PSD2: variants seen among roughly 807,000 people sequenced by gnomAD.
PSD2 encodes pleckstrin and Sec7 domain containing 2.
In PSD2, 38 loss-of-function variants were observed where a neutral mutation model predicts 69.8. The observed-to-expected ratio is 0.54, with a 90% confidence interval of 0.42 to 0.71. The LOEUF (loss-of-function observed/expected upper bound fraction) is 0.71. PSD2 is among the 30% of genes least tolerant of loss of function. The probability of loss-of-function intolerance (pLI) is 0.00; values close to 1 mark genes in which losing one functional copy is unlikely to be tolerated. For synonymous variants in PSD2, 412 were observed against 423.0 expected, an observed-to-expected ratio of 0.97 and a Z score of 0.32; for missense variants, 943 against 1,014.5, an observed-to-expected ratio of 0.93 and a Z score of 0.96.
Position 139,814,215 on chromosome 5 carries a change from C to T in PSD2, c.867C>T (p.Leu289=). 3 of 1,613,844 alleles carry T rather than the reference C, an allele frequency of 1.9e-6. No individual in the cohort carries two copies. The highest frequency in any genetic ancestry group is 2.5e-6 in the Non-Finnish European group (3 of 1,179,866). Reference sequence around the variant, plus strand: ...GCCTGTCAGACTCAGACTCTGAGCTCAGCAGCTCGGAGGGGTTGGAGCCTG... The same window carrying T: ...GCCTGTCAGACTCAGACTCTGAGCTTAGCAGCTCGGAGGGGTTGGAGCCTG... ...KDGLSDSDSE[L]SSSEGLEPGS... is the part of the protein sequence containing the mutation. The change falls in exon 4 of 15, where the codon CTC becomes CTT. Residue 289 remains leucine, a synonymous_variant. Transcript: ENST00000274710. This position sits in a 1 kb window ranked among gnomAD's most constrained non-coding sequence, Gnocchi z 4.4.
At chr5:139,793,947 G>A (rs780679447), upstream of PSD2, among the ~76,000 whole-genome samples, 2 of 152,186 alleles carry the variant, frequency 1.3e-5, no homozygotes, top group Non-Finnish European at 2.9e-5. Context: ...CCAAGGGTGG[G>A]GAATGTGGTA....
chr5:139,804,049 T>C (rs566062216), intron 1 of PSD2, among the ~76,000 whole-genome samples: 53 of 152,310 alleles, frequency 3.5e-4, no homozygotes, highest in African/African-American at 1.2e-3. Context: ...CCCATTGCGG[T>C]GTGGGCATCG....
intron 7 of PSD2, among the ~76,000 whole-genome samples, chr5:139,830,280 T>C (rs1424659126): frequency 1.3e-5 from 2 of 151,924 alleles, no homozygotes; most frequent in Admixed American, 1.3e-4. Flanking sequence ...AGACCCTTAG[T>C]AGATACTTGA....
intron 5 of PSD2, among the ~76,000 whole-genome samples, chr5:139,820,651 A>C (rs1380364832): frequency 6.6e-6 from 1 of 152,200 alleles, no homozygotes. Context: ...TCTGAACTCA[A>C]GACTGATGGA....
intron 7 of PSD2, among the ~76,000 whole-genome samples, chr5:139,826,887 A>G (rs1760434954): frequency 6.6e-6 from 1 of 152,134 alleles, no homozygotes; most frequent in South Asian, 2.1e-4. Flanking sequence ...GCCACACTTC[A>G]CTGCTTGCTG....
chr5:139,766,918 T>C, the PSD2 span, among the ~76,000 whole-genome samples: 4,482 of 42,870 alleles, frequency 0.1, 637 homozygotes, highest in Admixed American at 0.13. Flanking sequence ...CCTTCCTTCC[T>C]TCCTTCCTTC....
At position 139,809,826 on chromosome 5, in the gene PSD2, T is replaced by C. The variant is rs1759914107; in HGVS notation, c.371+15T>C. 1 of 1,612,966 alleles carries C rather than the reference T, an allele frequency of 6.2e-7. No individual in the cohort carries two copies. The highest frequency in any genetic ancestry group is 1.3e-5 in the African/African-American group (1 of 74,852). ...CCTCAGCTGGGGTGAGTGGATGTCT[T>C]GGGATGGGAGCTCACCACATTTGGC... is the stretch of plus-strand genomic sequence containing the variant. On this transcript the variant is annotated intron_variant, in intron 2 of 14. Transcript: ENST00000274710.
At chr5:139,800,680 C>T (rs546967044) in intron 1 of PSD2, among the ~76,000 whole-genome samples, 6 of 152,286 alleles carry the variant, frequency 3.9e-5, no homozygotes, top group Non-Finnish European at 7.4e-5. Flanking sequence ...GCTCCCAGTG[C>T]CACACTCACT....
At chr5:139,833,661 C>A in intron 7 of PSD2, 41 bp from the exon 8 acceptor site, 1 of 1,469,766 alleles carries the variant, frequency 6.8e-7, no homozygotes, top group Non-Finnish European at 9.5e-7. Context: ...ACACACCAGC[C>A]TCCTTCCCTA....
Position 139,836,911 on chromosome 5 carries a change from T to C in PSD2, c.1504T>C (p.Phe502Leu). 2 of 1,614,144 alleles carry C rather than the reference T, an allele frequency of 1.2e-6. No individual in the cohort carries two copies. Among genetic ancestry groups the C allele is most frequent in the Non-Finnish European group, 1.7e-6 (2 of 1,180,012 alleles). ...GCGAATCCTGGATGGTGGCAACCCC[T>C]TCCTGGATGTCCCACAGGCGCTCAG... ...VTRILDGGNP[F>L]LDVPQALSAT... Residue 502 changes from phenylalanine (F) to leucine (L), a missense_variant, in exon 10 of 15, where the codon TTC becomes CTC. Transcript: ENST00000274710.
the PSD2 span, among the ~76,000 whole-genome samples, chr5:139,751,993 A>C: frequency 6.6e-6 from 1 of 151,728 alleles, no homozygotes; most frequent in African/African-American, 2.4e-5. Context: ...GGGTCTTCCT[A>C]TGTTGTCCAG....
intron 2 of PSD2, among the ~76,000 whole-genome samples, chr5:139,811,529 C>T (rs1382352205): frequency 2.0e-5 from 3 of 152,160 alleles, no homozygotes; most frequent in African/African-American, 4.8e-5. Context: ...GCTCAGCCTG[C>T]TGTGTTCTTT....
intron 12 of PSD2, among the ~76,000 whole-genome samples, chr5:139,838,179 T>C (rs1037749208): frequency 2.6e-5 from 4 of 152,194 alleles, no homozygotes; most frequent in African/African-American, 9.6e-5. Flanking sequence ...CGTCCTCCTG[T>C]GACTTGAGAT....
intron 7 of PSD2, 57 bp downstream of exon 7, chr5:139,822,841 T>C: frequency 6.8e-7 from 1 of 1,474,876 alleles, no homozygotes; most frequent in East Asian, 2.4e-5. Flanking sequence ...CCACCTTGTG[T>C]TGATCCCGGC....
rs941350122 is a variant in PSD2, at chr5:139,813,777, T to G, written c.821+19T>G. ...CAGCCAGGTGAGGCAGGGCCCAGGC[T>G]GGGAGAACCACCGAGCAGATGGGGA... On this transcript the variant is annotated intron_variant, in intron 3 of 14. Transcript: ENST00000274710. The G allele has an allele frequency of 6.3e-7, 1 of 1,580,028 alleles. No homozygotes were observed. Among genetic ancestry groups the G allele is most frequent in the East Asian group, 2.3e-5 (1 of 44,302 alleles).
the PSD2 span, among the ~76,000 whole-genome samples, chr5:139,744,467 T>A: frequency 1.3e-5 from 2 of 151,888 alleles, no homozygotes; most frequent in East Asian, 1.9e-4. Context: ...GTTGGCTAGC[T>A]CCCCCCATGC....
In PSD2 at chr5:139,842,887, T is replaced by C; in HGVS notation, c.*413T>C. The C allele has an allele frequency of 6.1e-6, 1 of 164,002 alleles. No homozygotes were observed. 10.2% of individuals were successfully genotyped at this position (164,002 alleles called of 1,614,324 possible). A position where few individuals can be genotyped will look rare whatever the true frequency, so the allele number is the denominator to read the frequency against. The stretch of plus-strand genomic sequence containing the variant: ...GTCTCAGCTGGAACCCCACCCTTTC[T>C]CCTCCTCCTTCCTCTGAGTTGACCA... On this transcript the variant is annotated 3_prime_UTR_variant, in exon 15 of 15. Coordinates refer to ENST00000274710, the MANE Select transcript of PSD2 (RefSeq NM_032289.4).
chr5:139,826,424 A>G (rs1186164562), intron 7 of PSD2, among the ~76,000 whole-genome samples: 1 of 152,216 alleles, frequency 6.6e-6, no homozygotes, highest in Non-Finnish European at 1.5e-5. Context: ...TGAGAAGCAG[A>G]GCACAGGTGG....
chr5:139,831,221 T>C (rs1437948940), intron 7 of PSD2, among the ~76,000 whole-genome samples: 1 of 152,232 alleles, frequency 6.6e-6, no homozygotes, highest in Non-Finnish European at 1.5e-5. Flanking sequence ...GAATCTATTT[T>C]GTCAGACATT....
Sources: gnomAD v4.1 joint callset for allele counts (sites outside exome capture counted in the v4.1 genomes callset) on GRCh38, gnomAD v4.1.1 for gene constraint, Gnocchi (gnomAD v3.1) non-coding constraint, MANE v1.5 for transcripts, NCBI Gene and HGNC (gene_info 2026-07-23, HGNC 2026-07-21) for gene names.